SSH2: variants seen among roughly 807,000 people sequenced by gnomAD.
SSH2 encodes the protein protein phosphatase Slingshot homolog 2.
A neutral mutation model predicts 135.2 loss-of-function variants in SSH2; 37 were observed. The ratio of observed to expected loss-of-function variants is 0.27; its 90% confidence interval spans 0.21 to 0.36. SSH2 has a LOEUF of 0.36. Ranked by LOEUF, SSH2 falls within the 10% of genes least tolerant of loss-of-function variation. The pLI is 1.00. For synonymous variants in SSH2, 628 were observed against 646.2 expected, an observed-to-expected ratio of 0.97 and a Z score of 0.43; for missense variants, 1,408 against 1,765.3, an observed-to-expected ratio of 0.80 and a Z score of 3.63.
chr17:29,693,288 G>A (rs912658245), intron 5 of SSH2, among the ~76,000 whole-genome samples: 15 of 151,326 alleles, frequency 9.9e-5, no homozygotes, highest in Non-Finnish European at 1.8e-4. Flanking sequence ...CATCCCCCCC[G>A]TTCCCTTTTA....
intron 11 of SSH2, among the ~76,000 whole-genome samples, chr17:29,662,083 TG>T (rs1472954524): frequency 2.6e-5 from 4 of 152,210 alleles, no homozygotes; most frequent in Middle Eastern, 3.2e-3. Context: ...GTTTCCATTA[TG>T]TTCTATGTAA....
intron 2 of SSH2, among the ~76,000 whole-genome samples, chr17:29,836,060 C>A (rs983506032): frequency 6.6e-6 from 1 of 151,060 alleles, no homozygotes; most frequent in African/African-American, 2.4e-5. Flanking sequence ...AATGCCTCTT[C>A]TGAAAATTTG....
chr17:29,721,201 A>G (rs966424868), intron 3 of SSH2, among the ~76,000 whole-genome samples: 29 of 152,244 alleles, frequency 1.9e-4, no homozygotes, highest in African/African-American at 7.0e-4. Flanking sequence ...AGGGTTTAGA[A>G]AAAGAGGAAA....
intron 1 of SSH2, among the ~76,000 whole-genome samples, chr17:29,869,479 A>C (rs912325011): frequency 1.3e-5 from 2 of 152,206 alleles, no homozygotes; most frequent in Non-Finnish European, 2.9e-5. Flanking sequence ...TGGAGGCCAA[A>C]GAGAAACACC....
intron 14 of SSH2, 110 bp downstream of exon 14, chr17:29,648,034 G>T: frequency 9.3e-7 from 1 of 1,071,524 alleles, no homozygotes. Flanking sequence ...AGTCTTTTTT[G>T]AAAAAATATC....
At chr17:29,861,137 A>C (rs2065757770) in intron 1 of SSH2, among the ~76,000 whole-genome samples, 1 of 152,076 alleles carries the variant, frequency 6.6e-6, no homozygotes, top group Non-Finnish European at 1.5e-5. Context: ...CCTCTGTCAG[A>C]TGCATAGTTT....
At chr17:29,640,227 C>T (rs2036095581) in intron 14 of SSH2, among the ~76,000 whole-genome samples, 1 of 152,030 alleles carries the variant, frequency 6.6e-6, no homozygotes, top group South Asian at 2.1e-4. Context: ...TACAGGCACC[C>T]GCCACCACGC....
At chr17:29,828,690 TG>T (rs2042786631) in intron 2 of SSH2, among the ~76,000 whole-genome samples, 1 of 152,206 alleles carries the variant, frequency 6.6e-6, no homozygotes, top group Non-Finnish European at 1.5e-5. Flanking sequence ...CAATCTATTT[TG>T]GTAAAGCAGT....
intron 1 of SSH2, chr17:29,856,429 G>A (rs950405311): frequency 2.2e-5 from 4 of 185,812 alleles, no homozygotes; most frequent in African/African-American, 7.2e-5. Context: ...CTCTATTACA[G>A]CTGGGCTTGG....
chr17:29,655,682 G>T (rs1412442053), intron 11 of SSH2, 75 bp from the exon 12 acceptor site: 2 of 1,390,032 alleles, frequency 1.4e-6, no homozygotes, highest in Non-Finnish European at 2.0e-6. Context: ...AGCGAGAGAA[G>T]AAGAACTTTC....
At chr17:29,799,440 G>A (rs2151311423) in intron 2 of SSH2, among the ~76,000 whole-genome samples, 1 of 152,226 alleles carries the variant, frequency 6.6e-6, no homozygotes, top group Non-Finnish European at 1.5e-5. Flanking sequence ...AGCCAACACA[G>A]GATCATCAGA....
At chr17:29,769,058 TAAA>T (rs1406897193) in intron 3 of SSH2, among the ~76,000 whole-genome samples, 1 of 151,902 alleles carries the variant, frequency 6.6e-6, no homozygotes, top group Non-Finnish European at 1.5e-5. Context: ...CTGTAAAAAA[TAAA>T]AAATAATAAA....
rs562892568 is a variant in SSH2, at chr17:29,660,317, A to T, written c.1033-4710T>A. On this transcript the variant is annotated intron_variant, in intron 11 of 15. Transcript: ENST00000540801. The stretch of plus-strand genomic sequence containing the variant: ...CAGTCTCGCTCTGTCGCCAGGCTGG[A>T]GTGCAGTGGTGCAATCTCAGCTCAC... Among the ~76,000 whole-genome samples, 5 of 146,410 alleles carry T rather than the reference A, an allele frequency of 3.4e-5. No homozygotes were observed. The Admixed American group carries it at 3.5e-4, about 10-fold the overall frequency.
intron 1 of SSH2, among the ~76,000 whole-genome samples, chr17:29,918,600 T>G (rs941644451): frequency 6.6e-6 from 1 of 152,236 alleles, no homozygotes; most frequent in Non-Finnish European, 1.5e-5. Flanking sequence ...TCCCAGCATA[T>G]ATCATGCTAT....
At chr17:29,690,074 ACTC>A in intron 5 of SSH2, among the ~76,000 whole-genome samples, 1 of 151,494 alleles carries the variant, frequency 6.6e-6, no homozygotes, top group African/African-American at 2.4e-5. Flanking sequence ...ATCAGGAAAT[ACTC>A]CTCCTTAAGC....
chr17:29,716,362 A>T, intron 3 of SSH2: 1 of 482,618 alleles, frequency 2.1e-6, no homozygotes. Flanking sequence ...CTTGGCTCTT[A>T]GAGTGCTTTA....
At chr17:29,659,626 C>A (rs1345570802) in intron 11 of SSH2, among the ~76,000 whole-genome samples, 1 of 151,972 alleles carries the variant, frequency 6.6e-6, no homozygotes, top group Non-Finnish European at 1.5e-5. Flanking sequence ...CGGGTTCATG[C>A]CATTCTCCTG....
intron 3 of SSH2, among the ~76,000 whole-genome samples, chr17:29,764,321 T>C (rs1483882149): frequency 6.6e-6 from 1 of 152,248 alleles, no homozygotes; most frequent in African/African-American, 2.4e-5. Context: ...AAAATAGTTC[T>C]TTGTGCTACT....
chr17:29,760,925 G>A (rs2041271457), intron 3 of SSH2, among the ~76,000 whole-genome samples: 2 of 152,028 alleles, frequency 1.3e-5, no homozygotes, highest in African/African-American at 4.8e-5. Flanking sequence ...TCTCCCAAAG[G>A]ATTCTTCCGT....
Sources: gnomAD v4.1 joint callset for allele counts (sites outside exome capture counted in the v4.1 genomes callset) on GRCh38, gnomAD v4.1.1 for gene constraint, MANE v1.5 for transcripts, NCBI Gene and HGNC (gene_info 2026-07-23, HGNC 2026-07-21) for gene names.